The following FAM120C variants were observed in gnomAD, a reference collection of about 807,000 sequenced individuals.
FAM120C encodes constitutive coactivator of PPAR-gamma-like protein 2.
A neutral mutation model predicts 71.2 loss-of-function variants in FAM120C; 14 were observed. That is an observed-to-expected ratio of 0.20 (90% CI 0.13 to 0.31). The LOEUF is 0.31. Ranked by LOEUF, FAM120C falls within the 10% of genes least tolerant of loss-of-function variation. The pLI is 1.00. For missense variants in FAM120C, 500 were observed against 879.0 expected (o/e 0.57, Z 5.45); for synonymous variants, 354 against 353.2 (o/e 1.00, Z -0.03).
chrX:54,104,867 G>A (rs1315307208), intron 10 of FAM120C, among the ~76,000 whole-genome samples: 5 of 110,919 alleles, frequency 4.5e-5, no homozygotes, highest in Non-Finnish European at 7.6e-5. Context: ...GGAAGAAGTC[G>A]AATCCCTGAA....
chrX:54,108,562 G>GTGA (rs1281822335), intron 10 of FAM120C, among the ~76,000 whole-genome samples: 2 of 111,583 alleles, frequency 1.8e-5, no homozygotes, highest in Non-Finnish European at 3.8e-5. Flanking sequence ...CTGAAACAAT[G>GTGA]TGATATTGAT....
At chrX:54,167,443 C>T (rs1557135307) in intron 1 of FAM120C, among the ~76,000 whole-genome samples, 1 of 111,554 alleles carries the variant, frequency 9.0e-6, no homozygotes, top group Non-Finnish European at 1.9e-5. Flanking sequence ...TTAAAGAAAG[C>T]GAGAGTTGAG....
At chrX:54,148,699 G>A (rs782345803) in intron 4 of FAM120C, among the ~76,000 whole-genome samples, 202 of 111,424 alleles carry the variant, frequency 1.8e-3, no homozygotes, top group African/African-American at 6.1e-3. Context: ...AAACTATGAC[G>A]AGCTACCACT....
At chrX:54,176,606 T>C (rs1351141630) in intron 1 of FAM120C, among the ~76,000 whole-genome samples, 3 of 111,399 alleles carry the variant, frequency 2.7e-5, no homozygotes, top group African/African-American at 9.8e-5. Flanking sequence ...TATAAGTGCA[T>C]TGCTAAGTAG....
At chrX:54,126,879 G>T (rs892628110) in intron 9 of FAM120C, among the ~76,000 whole-genome samples, 11 of 112,778 alleles carry the variant, frequency 9.8e-5, no homozygotes, top group Non-Finnish European at 2.1e-4. Flanking sequence ...CATCCATATT[G>T]TCTTAGTCAA....
chrX:54,108,767 C>CT (rs1339725362), intron 10 of FAM120C, among the ~76,000 whole-genome samples: 6 of 109,131 alleles, frequency 5.5e-5, no homozygotes, highest in East Asian at 2.9e-4. Context: ...CCGGTCTCTA[C>CT]AAAAATACAA....
chrX:54,078,088 C>T (rs1374204537), intron 15 of FAM120C, among the ~76,000 whole-genome samples: 2 of 103,948 alleles, frequency 1.9e-5, no homozygotes, highest in African/African-American at 3.5e-5. Context: ...GGACTACAGG[C>T]GCCCGCTACC....
At chrX:54,091,173 CATAA>C (rs1557122570) in intron 11 of FAM120C, 135 bp downstream of exon 11, 1 of 431,880 alleles carries the variant, frequency 2.3e-6, no homozygotes, top group African/African-American at 2.5e-5. Flanking sequence ...TATTCATAGA[CATAA>C]ATATTTGGTT....
rs1302767848 is a variant in FAM120C, at chrX:54,069,485, C to T, written c.*3548G>A. ...GTAGAGGCTGTAATGGTAACATTGA[C>T]ATGCCCACAGGAGCCTTGTAAGGTT... On this transcript the variant is annotated 3_prime_UTR_variant, in exon 16 of 16. Coordinates refer to ENST00000375180, the MANE Select transcript of FAM120C (RefSeq NM_017848.6). 1 of 111,118 alleles carries T rather than the reference C, an allele frequency of 9.0e-6. No homozygotes were observed. Among genetic ancestry groups the T allele is most frequent in the Non-Finnish European group, 1.9e-5 (1 of 53,033 alleles). 9.2% of individuals were successfully genotyped at this position (111,118 alleles called of 1,213,427 possible).
intron 10 of FAM120C, among the ~76,000 whole-genome samples, chrX:54,111,014 C>T (rs1557125627): frequency 1.8e-5 from 2 of 108,361 alleles, no homozygotes; most frequent in African/African-American, 6.7e-5. Flanking sequence ...GAGCCGAGAT[C>T]AAGCCACTGC....
chrX:54,082,150 T>C (rs1349103077), intron 13 of FAM120C, among the ~76,000 whole-genome samples: 1 of 94,155 alleles, frequency 1.1e-5, no homozygotes, highest in Non-Finnish European at 2.1e-5. Flanking sequence ...ACCTCTGCAC[T>C]CCACTCCAGC....
chrX:54,163,942 T>A (rs953188208), intron 1 of FAM120C, among the ~76,000 whole-genome samples: 5 of 107,855 alleles, frequency 4.6e-5, no homozygotes, highest in South Asian at 4.0e-4. Context: ...ATATATATTT[T>A]TTTTTTTTGA....
intron 3 of FAM120C, among the ~76,000 whole-genome samples, chrX:54,152,140 C>T (rs1330810635): frequency 9.1e-6 from 1 of 109,422 alleles, no homozygotes; most frequent in Non-Finnish European, 1.9e-5. Context: ...GCCTCAGCCT[C>T]CCAAGTAGCT....
intron 1 of FAM120C, among the ~76,000 whole-genome samples, chrX:54,168,710 G>A (rs1408455832): frequency 1.8e-5 from 2 of 111,590 alleles, no homozygotes; most frequent in African/African-American, 3.3e-5. Context: ...ACTAATATAC[G>A]CCAGGCACCA....
chrX:54,114,166 C>T (rs2066954383), intron 10 of FAM120C, among the ~76,000 whole-genome samples: 1 of 110,908 alleles, frequency 9.0e-6, no homozygotes, highest in Non-Finnish European at 1.9e-5. Context: ...TGAAATAACT[C>T]AGAAAGTCAA....
chrX:54,146,051 G>A (rs1362466024), intron 4 of FAM120C, among the ~76,000 whole-genome samples: 3 of 110,498 alleles, frequency 2.7e-5, no homozygotes, highest in Admixed American at 9.7e-5. Context: ...GCAAACTATC[G>A]CAAGGACAGA....
intron 1 of FAM120C, among the ~76,000 whole-genome samples, chrX:54,167,361 T>A (rs2067264949): frequency 9.0e-6 from 1 of 111,478 alleles, no homozygotes; most frequent in South Asian, 3.7e-4. Flanking sequence ...TCCAGGAGAG[T>A]AAAATGATTT....
At chrX:54,097,549 TTCTGATA>T (rs1392237217) in intron 10 of FAM120C, among the ~76,000 whole-genome samples, 1 of 112,107 alleles carries the variant, frequency 8.9e-6, no homozygotes, top group East Asian at 2.8e-4. Flanking sequence ...TAGATAGCTA[TTCTGATA>T]TCTAAGTCTT....
intron 1 of FAM120C, among the ~76,000 whole-genome samples, chrX:54,175,824 A>C (rs1022457741): frequency 1.7e-4 from 19 of 112,000 alleles, no homozygotes; most frequent in Non-Finnish European, 2.6e-4. Flanking sequence ...GCACAGAGCA[A>C]GTAACTTGCC....
Sources: allele counts gnomAD v4.1 joint callset (sites outside exome capture counted in the v4.1 genomes callset), GRCh38; gene constraint gnomAD v4.1.1; transcripts MANE v1.5; gene names NCBI Gene and HGNC (gene_info 2026-07-23, HGNC 2026-07-21).